CRYBG1: variants seen among roughly 807,000 people sequenced by gnomAD.
CRYBG1 encodes the protein crystallin beta-gamma domain containing 1.
A neutral mutation model predicts 189.2 loss-of-function variants in CRYBG1; 139 were observed. The ratio of observed to expected loss-of-function variants is 0.73; its 90% CI spans 0.64 to 0.85. CRYBG1 has a LOEUF of 0.85. Among genes scored for constraint, CRYBG1 ranks in the 40% least tolerant of loss-of-function variants. CRYBG1 has a pLI of 0.00. For missense variants in CRYBG1, 2,611 were observed against 2,675.8 expected (o/e 0.98, Z 0.53); for synonymous variants, 1,023 against 1,017.1 (o/e 1.01, Z -0.11).
intron 2 of CRYBG1, among the ~76,000 whole-genome samples, chr6:106,485,313 T>C (rs1772574343): frequency 6.6e-6 from 1 of 152,232 alleles, no homozygotes; most frequent in Non-Finnish European, 1.5e-5. Context: ...TTGGCATATA[T>C]TAAATAGAAA....
At chr6:106,459,232 G>T (rs1161025802) in intron 2 of CRYBG1, among the ~76,000 whole-genome samples, 1 of 152,008 alleles carries the variant, frequency 6.6e-6, no homozygotes, top group Non-Finnish European at 1.5e-5. Flanking sequence ...ACTGACTATG[G>T]GTGCTCTTTA....
Position 106,571,858 on chromosome 6 carries a change from G to A in CRYBG1, c.*3292G>A, listed in dbSNP as rs912834236. 6.9e-6 allele frequency: 4 copies of A among 583,500 alleles called. No homozygotes were observed. The allele number at this position is 583,500 out of a possible 1,614,324, so 36.1% of individuals were successfully genotyped here. On this transcript the variant is annotated 3_prime_UTR_variant, in exon 22 of 22. Coordinates refer to ENST00000633556, the MANE Select transcript of CRYBG1 (RefSeq NM_001371242.2). ...TATCAATTACTGGCCAAAATGGTGT[G>A]TTTATTTTTTAAAGCTTGTATCATG... is the stretch of plus-strand genomic sequence containing the variant.
chr6:106,532,875 C>T (rs1038012851), intron 8 of CRYBG1, among the ~76,000 whole-genome samples: 10 of 152,076 alleles, frequency 6.6e-5, no homozygotes, highest in Non-Finnish European at 1.5e-4. Context: ...GAAATTGGGA[C>T]TTTAACAAAT....
rs548100082 is a variant in CRYBG1, at chr6:106,424,004, C to T, written c.174-27690C>T. Among the ~76,000 whole-genome samples, 73 of 152,180 alleles carry T rather than the reference C, an allele frequency of 4.8e-4. 1 individual carries two copies. In the South Asian group the frequency reaches 0.015, roughly 32 times the overall value. On this transcript the variant is annotated intron_variant, in intron 1 of 21. Coordinates refer to ENST00000633556, the MANE Select transcript of CRYBG1 (RefSeq NM_001371242.2). ...ACAGGTGTGAGCCACTGCGCCCAGCCTCTCCCTCCTTTCCTTCTCTCTCTC... is the reference window on the plus strand; with the variant it reads ...ACAGGTGTGAGCCACTGCGCCCAGCTTCTCCCTCCTTTCCTTCTCTCTCTC...
At chr6:106,379,106 G>A (rs543590390) in intron 1 of CRYBG1, among the ~76,000 whole-genome samples, 1 of 152,012 alleles carries the variant, frequency 6.6e-6, no homozygotes, top group African/African-American at 2.4e-5. Context: ...TTGAGATCGC[G>A]CCACTGCATT....
At chr6:106,389,172 C>A (rs560570696) in intron 1 of CRYBG1, among the ~76,000 whole-genome samples, 28 of 151,894 alleles carry the variant, frequency 1.8e-4, no homozygotes, top group Non-Finnish European at 3.4e-4. Context: ...TTAAAAATTG[C>A]TTTTTGTTAT....
intron 1 of CRYBG1, among the ~76,000 whole-genome samples, chr6:106,451,327 C>A (rs1019352843): frequency 6.6e-6 from 1 of 152,126 alleles, no homozygotes; most frequent in Non-Finnish European, 1.5e-5. Context: ...TTACAAATTT[C>A]TTTTTGTTAT....
intron 1 of CRYBG1, among the ~76,000 whole-genome samples, chr6:106,430,064 A>C (rs986952227): frequency 1.3e-5 from 2 of 152,206 alleles, no homozygotes; most frequent in African/African-American, 4.8e-5. Context: ...TTCTCCTAAT[A>C]AATGCTTAGA....
At chr6:106,545,604 CT>C (rs1367690101) in intron 13 of CRYBG1, among the ~76,000 whole-genome samples, 1 of 152,174 alleles carries the variant, frequency 6.6e-6, no homozygotes, top group South Asian at 2.1e-4. Flanking sequence ...CTTGACTGGG[CT>C]TTTTTCTGTG....
chr6:106,530,688 A>T (rs1773859582), intron 8 of CRYBG1, among the ~76,000 whole-genome samples: 1 of 152,220 alleles, frequency 6.6e-6, no homozygotes, highest in Non-Finnish European at 1.5e-5. Context: ...GGAAGCCAAC[A>T]CACATGGTAC....
chr6:106,568,661 C>CGACT lies in CRYBG1; in HGVS notation c.*96_*99dup, dbSNP rs1446000532. 4.8e-6 allele frequency: 4 copies of CGACT among 826,912 alleles called. No homozygotes were observed. Among genetic ancestry groups the CGACT allele is most frequent in the Non-Finnish European group, 4.0e-6 (2 of 503,054 alleles). 51.2% of individuals were successfully genotyped at this position (826,912 alleles called of 1,614,324 possible). A position where few individuals can be genotyped will look rare whatever the true frequency, so the allele number is the denominator to read the frequency against. ...TGGAAGACCAGACTGGAAAGTGGAT[C>CGACT]GACTCCTCCTTCATTGATTCTAAAT... On this transcript the variant is annotated 3_prime_UTR_variant, in exon 22 of 22. Transcript: ENST00000633556.
At position 106,431,012 on chromosome 6, in the gene CRYBG1, C is replaced by T. The variant is rs9486338; in HGVS notation, c.174-20682C>T. Among the ~76,000 whole-genome samples the T allele has an allele frequency of 3.9e-3, 586 of 152,186 alleles. 1 individual carries two copies. Among genetic ancestry groups the T allele is most frequent in the African/African-American group, 0.014 (561 of 41,516 alleles). On this transcript the variant is annotated intron_variant, in intron 1 of 21. Transcript: ENST00000633556. ...GAGTGGCTGGGACTACAGGTGTGTA[C>T]CACCATGCCTGGCTAATTTTTGTGT...
chr6:106,475,185 A>G (rs1475005264), intron 2 of CRYBG1, among the ~76,000 whole-genome samples: 1 of 152,174 alleles, frequency 6.6e-6, no homozygotes, highest in Admixed American at 6.5e-5. Context: ...TTCAAGGAGA[A>G]TATGGGGGAG....
intron 1 of CRYBG1, among the ~76,000 whole-genome samples, chr6:106,372,322 A>G (rs1770055364): frequency 6.6e-6 from 1 of 151,846 alleles, no homozygotes; most frequent in Non-Finnish European, 1.5e-5. Flanking sequence ...CACAATCTCA[A>G]CTCACTGTAG....
At chr6:106,388,172 TA>T (rs1441102156) in intron 1 of CRYBG1, among the ~76,000 whole-genome samples, 1 of 152,220 alleles carries the variant, frequency 6.6e-6, no homozygotes, top group Admixed American at 6.5e-5. Flanking sequence ...GCTGCCACAA[TA>T]GTAGAGGGGT....
In CRYBG1 at chr6:106,405,384, T is replaced by C. The variant is rs186246869; in HGVS notation, c.173+44303T>C. 6.5e-4 allele frequency among the ~76,000 whole-genome samples: 99 copies of C among 152,302 alleles called. 1 individual carries two copies. In the East Asian group the frequency reaches 0.019, roughly 29 times the overall value. ...TCTGAAAGAAAGGCAGCAGCCCCAGTCAGGGGCTTATAGATAAAACTCCCA... is the reference window on the plus strand; with the variant it reads ...TCTGAAAGAAAGGCAGCAGCCCCAGCCAGGGGCTTATAGATAAAACTCCCA... On this transcript the variant is annotated intron_variant, in intron 1 of 21. Transcript: ENST00000633556.
At chr6:106,562,128 A>G (rs1021640803) in intron 20 of CRYBG1, among the ~76,000 whole-genome samples, 1 of 151,188 alleles carries the variant, frequency 6.6e-6, no homozygotes, top group Non-Finnish European at 1.5e-5. Context: ...AAAACAAAAC[A>G]AAACAAAAAA....
intron 1 of CRYBG1, among the ~76,000 whole-genome samples, chr6:106,379,128 G>A (rs770945322): frequency 3.3e-5 from 5 of 152,172 alleles, no homozygotes; most frequent in South Asian, 2.1e-4. Flanking sequence ...CAGCCTGGGC[G>A]ATAGAGCCAG....
At chr6:106,435,115 G>C (rs1313785066) in intron 1 of CRYBG1, among the ~76,000 whole-genome samples, 1 of 152,126 alleles carries the variant, frequency 6.6e-6, no homozygotes, top group Non-Finnish European at 1.5e-5. Context: ...ACCTTCTCCT[G>C]TTAATTTCTG....
Sources: gnomAD v4.1 joint callset for allele counts (sites outside exome capture counted in the v4.1 genomes callset) on GRCh38, gnomAD v4.1.1 for gene constraint, MANE v1.5 for transcripts, NCBI Gene and HGNC (gene_info 2026-07-23, HGNC 2026-07-21) for gene names.